The following MCC variants were observed in gnomAD, a reference collection of about 807,000 sequenced individuals.
MCC encodes MCC regulator of Wnt signaling pathway, also known as colorectal mutant cancer protein.
MCC carries 90 observed loss-of-function variants against 116.2 expected under a neutral mutation model. The observed-to-expected ratio is 0.77, with a 90% confidence interval of 0.65 to 0.92. The LOEUF (loss-of-function observed/expected upper bound fraction) is 0.92, where lower values mean the gene tolerates loss of function less well. Ranked by LOEUF, MCC falls within the 40% of genes least tolerant of loss-of-function variation. The probability of loss-of-function intolerance (pLI) is 0.00; values close to 1 mark genes in which losing one functional copy is unlikely to be tolerated. For synonymous variants in MCC, 578 were observed against 510.5 expected, an observed-to-expected ratio of 1.13 and a Z score of -1.78; for missense variants, 1,516 against 1,312.2, an observed-to-expected ratio of 1.16 and a Z score of -2.40.
chr5:113,364,681 T>C (rs1768641829), intron 2 of MCC, among the ~76,000 whole-genome samples: 1 of 152,252 alleles, frequency 6.6e-6, no homozygotes, highest in African/African-American at 2.4e-5. Flanking sequence ...GCAGCAGTCT[T>C]CTGCCTGGAC....
At chr5:113,300,567 T>C (rs1009233196) in intron 3 of MCC, among the ~76,000 whole-genome samples, 5 of 152,200 alleles carry the variant, frequency 3.3e-5, no homozygotes, top group African/African-American at 9.6e-5. Context: ...TTTGAGGGCA[T>C]AGGGGGATTT....
chr5:113,251,475 C>T (rs889846702), intron 3 of MCC, among the ~76,000 whole-genome samples: 4 of 152,184 alleles, frequency 2.6e-5, no homozygotes, highest in Non-Finnish European at 5.9e-5. Context: ...GTGACAAACA[C>T]GGGACTAAGG....
intron 1 of MCC, among the ~76,000 whole-genome samples, chr5:113,402,400 C>G (rs1427038440): frequency 6.6e-6 from 1 of 151,646 alleles, no homozygotes; most frequent in East Asian, 1.9e-4. Flanking sequence ...CTCAAGTGAT[C>G]CTCTCAGCCT....
chr5:113,445,633 G>T (rs1438654448), intron 1 of MCC, among the ~76,000 whole-genome samples: 1 of 152,126 alleles, frequency 6.6e-6, no homozygotes, highest in Non-Finnish European at 1.5e-5. Flanking sequence ...TCATGGATTG[G>T]AAAAATCGGT....
At chr5:113,145,589 A>C (rs527726633) in intron 4 of MCC, among the ~76,000 whole-genome samples, 27 of 152,306 alleles carry the variant, frequency 1.8e-4, no homozygotes, top group African/African-American at 6.5e-4. Flanking sequence ...AAGGCACACC[A>C]TCAATAAAAA....
Position 113,053,931 on chromosome 5 carries a change from C to G in MCC, c.2242G>C (p.Asp748His). Reference sequence around the variant, plus strand: ...TCGTCTTCTTTAGTGAACTCGGTGTCGCAACTACTGGCTGTGGAGCTGGTT... The same window carrying G: ...TCGTCTTCTTTAGTGAACTCGGTGTGGCAACTACTGGCTGTGGAGCTGGTT... The part of the protein sequence containing the change: ...STTSSTASSC[D>H]TEFTKEDEQR... Residue 748 changes from aspartate to histidine, a missense_variant, in exon 15 of 19, where the codon GAC becomes CAC. Physicochemically the swap from Asp to His is moderately conservative, Grantham distance 81. Transcript: ENST00000408903. 6.2e-7 allele frequency: 1 copy of G among 1,613,244 alleles called. No individual in the cohort carries two copies. Among genetic ancestry groups the G allele is most frequent in the Non-Finnish European group, 8.5e-7 (1 of 1,179,422 alleles).
At chr5:113,126,059 AG>A (rs1414154392) in intron 5 of MCC, among the ~76,000 whole-genome samples, 1 of 152,236 alleles carries the variant, frequency 6.6e-6, no homozygotes, top group African/African-American at 2.4e-5. Flanking sequence ...CAAAGTTCTC[AG>A]GTGTTTCTCC....
chr5:113,100,530 G>C (rs779575733), intron 8 of MCC, among the ~76,000 whole-genome samples: 20 of 132,058 alleles, frequency 1.5e-4, no homozygotes, highest in Non-Finnish European at 2.9e-4. Flanking sequence ...GGAGTGCAGT[G>C]GTGCGATCTT....
chr5:113,460,473 A>C (rs1297037294), intron 1 of MCC, among the ~76,000 whole-genome samples: 3 of 152,134 alleles, frequency 2.0e-5, no homozygotes, highest in Non-Finnish European at 4.4e-5. Context: ...AACACACACC[A>C]CACACATTGT....
At chr5:113,294,765 C>T (rs1343841870) in intron 3 of MCC, 1 of 990,710 alleles carries the variant, frequency 1.0e-6, no homozygotes, top group African/African-American at 1.7e-5. Context: ...ATGGAGGGCA[C>T]TTCCCAGCAC....
chr5:113,296,688 G>C (rs1766721021), intron 3 of MCC, among the ~76,000 whole-genome samples: 1 of 152,052 alleles, frequency 6.6e-6, no homozygotes, highest in Non-Finnish European at 1.5e-5. Flanking sequence ...TAAAAAAATG[G>C]GCCTTCTCAA....
chr5:113,325,125 C>T (rs1053344242), intron 3 of MCC, among the ~76,000 whole-genome samples: 1 of 152,158 alleles, frequency 6.6e-6, no homozygotes, highest in African/African-American at 2.4e-5. Flanking sequence ...CAGGCATGAG[C>T]CACTGCTTCC....
rs1221492007 is a variant in MCC at position 113,220,159 on chromosome 5, G to A, written c.628-68737C>T. Among the ~76,000 whole-genome samples the A allele has an allele frequency of 6.4e-5, 5 of 77,856 alleles. 2 individuals are homozygous for A. The highest frequency in any genetic ancestry group is 7.8e-5 in the African/African-American group (3 of 38,258). 51.1% of individuals were successfully genotyped at this position (77,856 alleles called of 152,430 possible). ...TGCAAGCTCCACCTCCCGGGTTCAC[G>A]CCATTTTCCTGCCGCAGCCTCCTCA... On this transcript the variant is annotated intron_variant, in intron 3 of 18. Transcript: ENST00000408903.
Position 113,049,185 on chromosome 5 carries a change from C to A in MCC, c.2563G>T (p.Glu855Ter). The A allele has an allele frequency of 6.2e-7, 1 of 1,614,172 alleles. No individual in the cohort carries two copies. Among genetic ancestry groups the A allele is most frequent in the Non-Finnish European group, 8.5e-7 (1 of 1,180,034 alleles). ...TCCTCCACCTCGGACTTCAGGTGCTCAATGTGCACCAGGTAGGCCTGCTCC... is the reference window on the plus strand; with the variant it reads ...TCCTCCACCTCGGACTTCAGGTGCTAAATGTGCACCAGGTAGGCCTGCTCC... ...AQEQAYLVHI[E>*]HLKSEVEEQK... The change falls in exon 16 of 19, where the codon GAG (glutamate) becomes TAG (stop). Residue 855 changes from glutamate (E) to a stop codon, truncating the protein, a stop_gained. Transcript: ENST00000408903. LOFTEE classifies it high-confidence loss of function.
At chr5:113,161,087 T>TA (rs1760457180) in intron 3 of MCC, among the ~76,000 whole-genome samples, 1 of 152,222 alleles carries the variant, frequency 6.6e-6, no homozygotes, top group Non-Finnish European at 1.5e-5. Flanking sequence ...TATTTTCCAC[T>TA]AAAAAATCCT....
intron 5 of MCC, among the ~76,000 whole-genome samples, chr5:113,141,441 G>A (rs924555621): frequency 6.6e-6 from 1 of 152,180 alleles, no homozygotes; most frequent in Admixed American, 6.5e-5. Context: ...CTTTACAGAT[G>A]TCTATCTGTC....
chr5:113,130,816 A>T (rs888276959), intron 5 of MCC, among the ~76,000 whole-genome samples: 3 of 152,184 alleles, frequency 2.0e-5, no homozygotes, highest in Non-Finnish European at 2.9e-5. Flanking sequence ...TGCCAGTGCC[A>T]TGCTTCTTGT....
At chr5:113,060,304 ACCACCATG>A (rs1753130056) in intron 14 of MCC, among the ~76,000 whole-genome samples, 2 of 152,080 alleles carry the variant, frequency 1.3e-5, no homozygotes, top group Non-Finnish European at 2.9e-5. Context: ...ACAGGCATGT[ACCACCATG>A]CCTGGCTAAA....
chr5:113,432,311 ACT>A (rs1205963643), intron 1 of MCC, among the ~76,000 whole-genome samples: 3 of 132,066 alleles, frequency 2.3e-5, no homozygotes, highest in East Asian at 2.2e-4. Flanking sequence ...CTAGAGCGAG[ACT>A]CTGTCTCAAA....
Sources: gnomAD v4.1 joint callset for allele counts (sites outside exome capture counted in the v4.1 genomes callset) on GRCh38, gnomAD v4.1.1 for gene constraint, MANE v1.5 for transcripts, NCBI Gene and HGNC (gene_info 2026-07-23, HGNC 2026-07-21) for gene names.